The following DNER variants were observed in gnomAD, a reference collection of about 807,000 sequenced individuals.
DNER encodes the protein delta/notch like EGF repeat containing.
A neutral mutation model predicts 78.2 loss-of-function variants in DNER; 33 were observed. That is an observed-to-expected ratio of 0.42 (90% confidence interval 0.32 to 0.56). The LOEUF (loss-of-function observed/expected upper bound fraction) is 0.56. Among genes scored for constraint, DNER ranks in the 20% least tolerant of loss-of-function variants. DNER has a pLI of 0.11. For synonymous variants in DNER, 417 were observed against 384.8 expected, an observed-to-expected ratio of 1.08 and a Z score of -0.98; for missense variants, 918 against 975.3, an observed-to-expected ratio of 0.94 and a Z score of 0.78.
intron 1 of DNER, among the ~76,000 whole-genome samples, chr2:229,712,081 T>A (rs1036591178): frequency 1.3e-5 from 2 of 152,156 alleles, no homozygotes; most frequent in Non-Finnish European, 2.9e-5. Context: ...CTATGAGGAT[T>A]ACAGTAACTT....
At chr2:229,358,915 C>A (rs1250824943) in intron 12 of DNER, among the ~76,000 whole-genome samples, 2 of 152,178 alleles carry the variant, frequency 1.3e-5, no homozygotes, top group Non-Finnish European at 2.9e-5. Flanking sequence ...GCAAAGCAGT[C>A]AAGCATGACA....
chr2:229,357,924 T>C lies in DNER; in HGVS notation c.*616A>G, dbSNP rs1450469249. The C allele has an allele frequency of 1.3e-5, 2 of 152,670 alleles. No homozygotes were observed. The highest frequency in any genetic ancestry group is 4.8e-5 in the African/African-American group (2 of 41,468). The allele number at this position is 152,670 out of a possible 1,614,324, so 9.5% of individuals were successfully genotyped here. A position where few individuals can be genotyped will look rare whatever the true frequency, so the allele number is the denominator to read the frequency against. ...TAGGCCTTTTCGTTACGTATGTTTTTGAGGCCTAGTTCGACGACTGTTACG... is the reference window on the plus strand; with the variant it reads ...TAGGCCTTTTCGTTACGTATGTTTTCGAGGCCTAGTTCGACGACTGTTACG... On this transcript the variant is annotated 3_prime_UTR_variant, in exon 13 of 13. Coordinates refer to ENST00000341772, the MANE Select transcript of DNER (RefSeq NM_139072.4).
intron 11 of DNER, among the ~76,000 whole-genome samples, chr2:229,377,071 C>G (rs116080006): frequency 4.6e-5 from 7 of 152,118 alleles, no homozygotes; most frequent in African/African-American, 1.7e-4. Context: ...CAAAGCCTTA[C>G]GGTGACTCAT....
chr2:229,403,601 T>C (rs951326185), intron 10 of DNER, among the ~76,000 whole-genome samples: 1 of 152,134 alleles, frequency 6.6e-6, no homozygotes, highest in African/African-American at 2.4e-5. Flanking sequence ...CAGGGCTGAA[T>C]AGAATAGACC....
chr2:229,393,665 G>A (rs977165915), intron 10 of DNER, among the ~76,000 whole-genome samples: 25 of 152,050 alleles, frequency 1.6e-4, no homozygotes, highest in African/African-American at 5.3e-4. Context: ...GGCTAACACG[G>A]TGAAACCCCG....
At chr2:229,490,928 T>C (rs1183093381) in intron 6 of DNER, among the ~76,000 whole-genome samples, 1 of 152,214 alleles carries the variant, frequency 6.6e-6, no homozygotes, top group African/African-American at 2.4e-5. Flanking sequence ...TAAATGCACA[T>C]ATTTTAAAAA....
chr2:229,368,870 A>G (rs959944003), intron 11 of DNER, among the ~76,000 whole-genome samples: 3 of 152,234 alleles, frequency 2.0e-5, no homozygotes, highest in African/African-American at 7.2e-5. Flanking sequence ...ACAGGATTAA[A>G]AATGATTATT....
chr2:229,585,822 A>C (rs1307621825), intron 4 of DNER, 36 bp downstream of exon 4: 1 of 1,611,006 alleles, frequency 6.2e-7, no homozygotes, highest in Non-Finnish European at 8.5e-7. Flanking sequence ...GGGTTGAATC[A>C]GATGCAGTGT....
chr2:229,491,959 AC>A (rs1232413506), intron 6 of DNER, among the ~76,000 whole-genome samples: 9 of 151,776 alleles, frequency 5.9e-5, no homozygotes, highest in African/African-American at 2.2e-4. Flanking sequence ...TTACACACAC[AC>A]ACACACACAC....
chr2:229,528,296 G>C (rs116200270), intron 5 of DNER, among the ~76,000 whole-genome samples: 1,817 of 152,316 alleles, frequency 0.012, 39 homozygotes, highest in African/African-American at 0.041. Context: ...TGTTGACGGA[G>C]GCAACTGATG....
Position 229,591,763 on chromosome 2 carries a change from C to T in DNER, c.402G>A (p.Gln134=), listed in dbSNP as rs201766920. Residue 134 remains glutamine (Q), a synonymous_variant, in exon 2 of 13, where the codon CAG becomes CAA. Transcript: ENST00000341772. This position sits in a 1 kb window ranked among gnomAD's most constrained non-coding sequence, Gnocchi z 4.6. ...NEGYEGPNCE[Q]ALPSLPATGW... ...CAGTGGCTGGGAGACTGGGAAGTGC[C>T]TGTTCACAGTTGGGACCTTCATAGC... 22 of 1,614,194 alleles carry T rather than the reference C, an allele frequency of 1.4e-5. No homozygotes were observed. The African/African-American group carries it at 2.4e-4, about 18-fold the overall frequency.
At chr2:229,463,701 GA>G (rs1260230070) in intron 7 of DNER, among the ~76,000 whole-genome samples, 7 of 152,186 alleles carry the variant, frequency 4.6e-5, no homozygotes, top group Non-Finnish European at 1.0e-4. Flanking sequence ...TAGCCTCCCA[GA>G]GTGCTGAGAT....
chr2:229,598,041 T>C (rs2154214826), intron 1 of DNER, among the ~76,000 whole-genome samples: 1 of 152,252 alleles, frequency 6.6e-6, no homozygotes, highest in Non-Finnish European at 1.5e-5. Flanking sequence ...TTTCTGGCAA[T>C]TCCCATATCC....
At chr2:229,468,176 G>A (rs1490888122) in intron 7 of DNER, among the ~76,000 whole-genome samples, 1 of 152,238 alleles carries the variant, frequency 6.6e-6, no homozygotes, top group Non-Finnish European at 1.5e-5. Flanking sequence ...CTGGGCATGG[G>A]CCAAGCTATA....
intron 5 of DNER, among the ~76,000 whole-genome samples, chr2:229,526,321 G>T (rs79241824): frequency 0.025 from 3,880 of 152,250 alleles, 168 homozygotes; most frequent in African/African-American, 0.088. Flanking sequence ...AAAAGTGCCT[G>T]GGTTAACGTA....
chr2:229,549,041 G>T (rs1009843489), intron 4 of DNER, among the ~76,000 whole-genome samples: 1 of 151,966 alleles, frequency 6.6e-6, no homozygotes, highest in Non-Finnish European at 1.5e-5. Context: ...TTTTCTCAAC[G>T]TTATTTATAC....
chr2:229,455,029 TGACCACTA>T (rs1694541863), intron 7 of DNER, among the ~76,000 whole-genome samples: 1 of 152,148 alleles, frequency 6.6e-6, no homozygotes, highest in African/African-American at 2.4e-5. Context: ...TGATTATTAA[TGACCACTA>T]GAAAAGGAAT....
chr2:229,517,328 A>G (rs1695999713), intron 5 of DNER, among the ~76,000 whole-genome samples: 1 of 152,330 alleles, frequency 6.6e-6, no homozygotes, highest in South Asian at 2.1e-4. Context: ...AATAAAATGA[A>G]TGAGAAAGTG....
At chr2:229,668,459 T>C (rs1330917805) in intron 1 of DNER, among the ~76,000 whole-genome samples, 2 of 141,538 alleles carry the variant, frequency 1.4e-5, no homozygotes, top group African/African-American at 5.3e-5. Flanking sequence ...TATATATATA[T>C]AAAAGAAGAC....
Sources: gnomAD v4.1 joint callset for allele counts (sites outside exome capture counted in the v4.1 genomes callset) on GRCh38, gnomAD v4.1.1 for gene constraint, Gnocchi (gnomAD v3.1) non-coding constraint, MANE v1.5 for transcripts, NCBI Gene and HGNC (gene_info 2026-07-23, HGNC 2026-07-21) for gene names.